SGMS2: variants seen among roughly 807,000 people sequenced by gnomAD.
SGMS2 encodes sphingomyelin synthase 2.
SGMS2 carries 21 observed loss-of-function variants against 43.8 expected under a neutral mutation model. The observed-to-expected ratio is 0.48, with a 90% CI of 0.34 to 0.69. The LOEUF is 0.69. Among genes scored for constraint, SGMS2 ranks in the 30% least tolerant of loss-of-function variants. The probability of loss-of-function intolerance (pLI) is 0.01; values close to 1 mark genes in which losing one functional copy is unlikely to be tolerated. For synonymous variants in SGMS2, 167 were observed against 160.6 expected (o/e 1.04, Z -0.30); for missense variants, 384 against 443.2 (o/e 0.87, Z 1.20).
chr4:107,884,774 A>G (rs11097967), intron 2 of SGMS2, among the ~76,000 whole-genome samples: 84,491 of 152,012 alleles, frequency 0.56, 23,898 homozygotes, highest in East Asian at 0.75. Flanking sequence ...TTCATCTTAC[A>G]TATGTTGATT....
chr4:107,898,507 A>G lies in SGMS2; in HGVS notation c.456-1068A>G, dbSNP rs550583302. ...AGTCTTGAAAGCTTGAGACCTCTGA[A>G]AATGAGAGACCTAGAGTAATATGTT... On this transcript the variant is annotated intron_variant, in intron 3 of 6. Transcript: ENST00000690982. 4.6e-4 allele frequency among the ~76,000 whole-genome samples: 50 copies of G among 108,270 alleles called. 1 individual carries two copies. The South Asian group carries it at 0.017, about 38-fold the overall frequency. 71.0% of individuals were successfully genotyped at this position (108,270 alleles called of 152,430 possible).
intron 2 of SGMS2, among the ~76,000 whole-genome samples, chr4:107,884,761 A>G (rs907481071): frequency 2.0e-5 from 3 of 152,142 alleles, no homozygotes; most frequent in Admixed American, 6.5e-5. Flanking sequence ...GACTGAACCA[A>G]TGTTCATCTT....
intron 3 of SGMS2, among the ~76,000 whole-genome samples, chr4:107,896,594 A>T (rs1041610543): frequency 2.0e-5 from 3 of 152,128 alleles, no homozygotes; most frequent in African/African-American, 7.2e-5. Flanking sequence ...TTAGAACCAG[A>T]TCCATGCGGT....
intron 4 of SGMS2, among the ~76,000 whole-genome samples, 185 bp from the exon 5 acceptor site, chr4:107,903,048 A>G (rs1731255810): frequency 6.6e-6 from 1 of 152,198 alleles, no homozygotes; most frequent in East Asian, 1.9e-4. Flanking sequence ...AAACGTCAAT[A>G]AAGCTTGCCA....
intron 1 of SGMS2, among the ~76,000 whole-genome samples, chr4:107,841,027 C>T (rs1050667398): frequency 6.6e-6 from 1 of 152,048 alleles, no homozygotes; most frequent in African/African-American, 2.4e-5. Context: ...GTGGGAGACA[C>T]CCAATTAAAA....
chr4:107,896,861 T>TGATG (rs1394423957), intron 3 of SGMS2, among the ~76,000 whole-genome samples: 1 of 152,172 alleles, frequency 6.6e-6, no homozygotes, highest in Non-Finnish European at 1.5e-5. Context: ...TTCCTCTCAT[T>TGATG]CATCATTTAG....
chr4:107,836,838 T>C (rs932564949), intron 1 of SGMS2, among the ~76,000 whole-genome samples: 9 of 152,024 alleles, frequency 5.9e-5, no homozygotes, highest in Non-Finnish European at 1.5e-5. Context: ...CCAGGCATAG[T>C]AGAGAGACTG....
rs1732170024 is a variant in SGMS2, at chr4:107,912,233, C to T, written c.*1680C>T. 1 of 152,052 alleles carries T rather than the reference C, an allele frequency of 6.6e-6. No individual in the cohort carries two copies. Among genetic ancestry groups the T allele is most frequent in the African/African-American group, 2.4e-5 (1 of 41,394 alleles). 9.4% of individuals were successfully genotyped at this position (152,052 alleles called of 1,614,324 possible). A position where few individuals can be genotyped will look rare whatever the true frequency, so the allele number is the denominator to read the frequency against. The stretch of plus-strand genomic sequence containing the variant: ...TTTTCTGTATGTTATAGAATAATCA[C>T]TAAAGGAAAGGTAGTTGAATTTAAA... On this transcript the variant is annotated 3_prime_UTR_variant, in exon 7 of 7. Transcript: ENST00000690982.
intron 4 of SGMS2, among the ~76,000 whole-genome samples, chr4:107,902,937 C>T (rs528051294): frequency 3.9e-5 from 6 of 152,224 alleles, no homozygotes; most frequent in Non-Finnish European, 7.4e-5. Context: ...CTTTTTAGCA[C>T]GTAGCTGTGG....
intron 1 of SGMS2, among the ~76,000 whole-genome samples, chr4:107,839,614 G>A (rs2125996298): frequency 6.6e-6 from 1 of 152,090 alleles, no homozygotes; most frequent in African/African-American, 2.4e-5. Context: ...TATATAAATG[G>A]CTATATAGGA....
intron 2 of SGMS2, among the ~76,000 whole-genome samples, chr4:107,869,633 G>T (rs1243170349): frequency 6.6e-6 from 1 of 151,920 alleles, no homozygotes; most frequent in Admixed American, 6.6e-5. Context: ...AGTAAATTGT[G>T]TTAATTTTGT....
At chr4:107,888,504 A>C (rs896706927) in intron 2 of SGMS2, among the ~76,000 whole-genome samples, 2 of 152,124 alleles carry the variant, frequency 1.3e-5, no homozygotes, top group African/African-American at 2.4e-5. Context: ...TTTCTTAAAC[A>C]ACCAGTCATT....
intron 1 of SGMS2, among the ~76,000 whole-genome samples, chr4:107,843,708 C>T (rs1009034258): frequency 2.6e-5 from 4 of 152,164 alleles, no homozygotes; most frequent in Non-Finnish European, 5.9e-5. Context: ...TTCAGTGTGA[C>T]CAACCAGGTT....
At chr4:107,903,411 A>C in intron 5 of SGMS2, 25 bp downstream of exon 5, 1 of 1,610,410 alleles carries the variant, frequency 6.2e-7, no homozygotes, top group East Asian at 2.2e-5. Flanking sequence ...ATTCCCACTG[A>C]ACTGATAGCT....
At chr4:107,885,162 A>T (rs1015837110) in intron 2 of SGMS2, among the ~76,000 whole-genome samples, 1 of 152,186 alleles carries the variant, frequency 6.6e-6, no homozygotes, top group Non-Finnish European at 1.5e-5. Flanking sequence ...CTATAGATTC[A>T]TCTCCCTTTA....
intron 4 of SGMS2, among the ~76,000 whole-genome samples, chr4:107,901,080 A>G (rs1057342445): frequency 2.0e-5 from 3 of 152,184 alleles, no homozygotes; most frequent in South Asian, 2.1e-4. Flanking sequence ...GAAAGAAAGT[A>G]AATTAAAGAT....
chr4:107,841,244 G>A (rs1726480683), intron 1 of SGMS2, among the ~76,000 whole-genome samples: 2 of 152,168 alleles, frequency 1.3e-5, no homozygotes, highest in African/African-American at 2.4e-5. Context: ...GACTCATTAA[G>A]TAATTTGTTC....
chr4:107,830,622 G>A (rs1244635319), intron 1 of SGMS2, among the ~76,000 whole-genome samples: 6 of 152,260 alleles, frequency 3.9e-5, no homozygotes, highest in East Asian at 1.9e-4. Flanking sequence ...CATTTCTCTA[G>A]TAATTAATGA....
chr4:107,837,079 A>G (rs961764704), intron 1 of SGMS2, among the ~76,000 whole-genome samples: 5 of 152,208 alleles, frequency 3.3e-5, no homozygotes, highest in Admixed American at 2.6e-4. Context: ...GCCCTCCTCC[A>G]TTCCTTTGGA....
Sources: gnomAD v4.1 joint callset for allele counts (sites outside exome capture counted in the v4.1 genomes callset) on GRCh38, gnomAD v4.1.1 for gene constraint, MANE v1.5 for transcripts, NCBI Gene and HGNC (gene_info 2026-07-23, HGNC 2026-07-21) for gene names.